Variants in TBC1D15 observed in about 807,000 individuals in gnomAD.
TBC1D15 encodes the protein GAP for RAB7.
Under a neutral mutation model 95.4 loss-of-function variants are expected in TBC1D15, and 39 were observed. The ratio of observed to expected loss-of-function variants is 0.41; its 90% CI spans 0.32 to 0.53. The LOEUF (loss-of-function observed/expected upper bound fraction) is 0.53, where lower values mean the gene tolerates loss of function less well. Among genes scored for constraint, TBC1D15 ranks in the 20% least tolerant of loss-of-function variants. TBC1D15 has a pLI of 0.29. For missense variants in TBC1D15, 733 were observed against 794.3 expected (o/e 0.92, Z 0.93); for synonymous variants, 258 against 261.3 (o/e 0.99, Z 0.12).
rs193047889 is a variant in TBC1D15, at chr12:71,863,950, T to C, written c.31-8120T>C. On this transcript the variant is annotated intron_variant, in intron 1 of 16. Transcript: ENST00000485960. Reference sequence around the variant, plus strand: ...TCCTGATTTTATTGAATTATCTGTATTTTTTTTGTATTTCATTGTGTTTCC... The same window carrying C: ...TCCTGATTTTATTGAATTATCTGTACTTTTTTTGTATTTCATTGTGTTTCC... Among the ~76,000 whole-genome samples the C allele has an allele frequency of 9.3e-4, 137 of 147,616 alleles. 1 individual carries two copies. The East Asian group carries it at 0.02, about 22-fold the overall frequency.
At position 71,894,666 on chromosome 12, in the gene TBC1D15, T is replaced by C. The variant is rs767684429; in HGVS notation, c.658-20T>C. ...TTTATTTGAGTTAATAATGCTAATA[T>C]TTTTCTTCCTACTGCATAGAAAATT... On this transcript the variant is annotated intron_variant, in intron 6 of 16. Coordinates refer to ENST00000485960, the MANE Select transcript of TBC1D15 (RefSeq NM_001146213.3). 3 of 1,591,642 alleles carry C rather than the reference T, an allele frequency of 1.9e-6. No homozygotes were observed. In the African/African-American group the frequency reaches 4.1e-5, roughly 22 times the overall value.
chr12:71,883,763 T>A (rs1347703050), intron 4 of TBC1D15, among the ~76,000 whole-genome samples: 1 of 152,158 alleles, frequency 6.6e-6, no homozygotes, highest in East Asian at 1.9e-4. Flanking sequence ...TTAGGAAAGG[T>A]TTTTTAAAAT....
intron 10 of TBC1D15, among the ~76,000 whole-genome samples, chr12:71,902,706 A>G (rs1899693635): frequency 6.6e-6 from 1 of 152,202 alleles, no homozygotes; most frequent in Non-Finnish European, 1.5e-5. Flanking sequence ...AGCAATTACA[A>G]CCAAAACAGA....
intron 3 of TBC1D15, among the ~76,000 whole-genome samples, chr12:71,878,388 A>T (rs1172489662): frequency 6.6e-6 from 1 of 152,018 alleles, no homozygotes; most frequent in Non-Finnish European, 1.5e-5. Flanking sequence ...TTGTATGCAG[A>T]GTTGGTAGGG....
intron 1 of TBC1D15, chr12:71,849,286 A>T: frequency 2.3e-6 from 2 of 863,154 alleles, no homozygotes; most frequent in Non-Finnish European, 3.8e-6. Context: ...TCTTTGTTCC[A>T]CGCTTCTATC....
At chr12:71,920,582 C>T in intron 14 of TBC1D15, 149 bp from the exon 15 acceptor site, 1 of 678,520 alleles carries the variant, frequency 1.5e-6, no homozygotes, top group East Asian at 2.6e-5. Context: ...CTCTCCTTCC[C>T]CTCATTTCCT....
intron 10 of TBC1D15, among the ~76,000 whole-genome samples, chr12:71,903,542 G>A (rs1899946349): frequency 6.6e-6 from 1 of 152,052 alleles, no homozygotes; most frequent in East Asian, 1.9e-4. Context: ...GGTATAAATC[G>A]TTCTACCACA....
At chr12:71,913,712 C>T in intron 11 of TBC1D15, 114 bp from the exon 12 acceptor site, 1 of 670,790 alleles carries the variant, frequency 1.5e-6, no homozygotes, top group Non-Finnish European at 2.5e-6. Context: ...CTACCAATTT[C>T]TAAATGCAAA....
At chr12:71,879,299 A>T (rs1344629796) in intron 3 of TBC1D15, among the ~76,000 whole-genome samples, 1 of 151,886 alleles carries the variant, frequency 6.6e-6, no homozygotes, top group Non-Finnish European at 1.5e-5. Context: ...TGTCTGGCTA[A>T]CTTTTTTGTA....
intron 1 of TBC1D15, among the ~76,000 whole-genome samples, chr12:71,848,051 C>G (rs1401017943): frequency 6.6e-6 from 1 of 152,042 alleles, no homozygotes; most frequent in Non-Finnish European, 1.5e-5. Flanking sequence ...GAGCCAAGAT[C>G]TTGCCACTGC....
At chr12:71,915,457 A>AAAC (rs1903460585) in intron 12 of TBC1D15, among the ~76,000 whole-genome samples, 1 of 151,708 alleles carries the variant, frequency 6.6e-6, no homozygotes, top group Non-Finnish European at 1.5e-5. Flanking sequence ...CTAAAAAAAA[A>AAAC]AAAAAAAACA....
Position 71,893,343 on chromosome 12 carries a change from T to G in TBC1D15, c.657+19T>G. 2 of 1,560,776 alleles carry G rather than the reference T, an allele frequency of 1.3e-6. No homozygotes were observed. Among genetic ancestry groups the G allele is most frequent in the South Asian group, 2.3e-5 (2 of 88,332 alleles). On this transcript the variant is annotated intron_variant, in intron 6 of 16. Coordinates refer to ENST00000485960, the MANE Select transcript of TBC1D15 (RefSeq NM_001146213.3). ...AATACAAGTATGTTCCTTAAATCTATCCTGTATTATTCTGACTGCATTATT... is the reference window on the plus strand; with the variant it reads ...AATACAAGTATGTTCCTTAAATCTAGCCTGTATTATTCTGACTGCATTATT...
chr12:71,902,542 C>G (rs964989054), intron 10 of TBC1D15, among the ~76,000 whole-genome samples: 1 of 152,166 alleles, frequency 6.6e-6, no homozygotes, highest in Non-Finnish European at 1.5e-5. Context: ...AGGTATTAAA[C>G]TGGACCCCTA....
intron 9 of TBC1D15, 21 bp downstream of exon 9, chr12:71,896,801 C>G (rs781734702): frequency 1.3e-6 from 2 of 1,581,006 alleles, no homozygotes; most frequent in African/African-American, 2.7e-5. Context: ...GTCTTTCGTA[C>G]ATTTATCAAA....
intron 5 of TBC1D15, among the ~76,000 whole-genome samples, chr12:71,891,089 T>A (rs2138639541): frequency 6.6e-6 from 1 of 152,308 alleles, no homozygotes; most frequent in African/African-American, 2.4e-5. Context: ...CCTTTCTATC[T>A]TTTATTCCCA....
intron 11 of TBC1D15, among the ~76,000 whole-genome samples, chr12:71,910,885 G>A (rs535652405): frequency 5.3e-5 from 8 of 152,210 alleles, no homozygotes; most frequent in African/African-American, 1.9e-4. Context: ...CTGACAAAGG[G>A]CTGATATCCA....
intron 9 of TBC1D15, chr12:71,897,285 A>G (rs1300381892): frequency 6.5e-6 from 1 of 154,044 alleles, no homozygotes; most frequent in Non-Finnish European, 1.4e-5. Context: ...CCAACTTTCC[A>G]GGTACAACTT....
chr12:71,884,514 A>G (rs74566036), intron 4 of TBC1D15, among the ~76,000 whole-genome samples: 8,981 of 152,240 alleles, frequency 0.059, 359 homozygotes, highest in South Asian at 0.15. Context: ...TAGTGCTGCA[A>G]TATGAATCCA....
At chr12:71,889,588 A>T (rs922078765) in intron 5 of TBC1D15, among the ~76,000 whole-genome samples, 4 of 152,222 alleles carry the variant, frequency 2.6e-5, no homozygotes, top group Non-Finnish European at 5.9e-5. Context: ...ACCAGTATTT[A>T]AAAAGTCCCA....
Sources: gnomAD v4.1 joint callset for allele counts (sites outside exome capture counted in the v4.1 genomes callset) on GRCh38, gnomAD v4.1.1 for gene constraint, MANE v1.5 for transcripts, NCBI Gene and HGNC (gene_info 2026-07-23, HGNC 2026-07-21) for gene names.